The following TRIO variants were observed in gnomAD, a reference collection of about 807,000 sequenced individuals.
TRIO encodes the protein trio Rho guanine nucleotide exchange factor, also known as triple functional domain protein.
In TRIO, 58 loss-of-function variants were observed where a neutral mutation model predicts 351.9. The observed-to-expected ratio is 0.16, with a 90% CI of 0.13 to 0.21. The LOEUF is 0.21. Among genes scored for constraint, TRIO ranks in the 10% least tolerant of loss-of-function variants. TRIO has a pLI of 1.00. For missense variants in TRIO, 3,201 were observed against 4,027.8 expected, an observed-to-expected ratio of 0.79 and a Z score of 5.56; for synonymous variants, 1,758 against 1,595.7, an observed-to-expected ratio of 1.10 and a Z score of -2.42.
intron 11 of TRIO, among the ~76,000 whole-genome samples, chr5:14,345,496 C>G (rs900557484): frequency 1.3e-5 from 2 of 152,190 alleles, no homozygotes; most frequent in African/African-American, 4.8e-5. Context: ...TGAGGCACTT[C>G]AACACAAGGT....
At chr5:14,492,389 A>G (rs1048608028) in intron 48 of TRIO, 178 bp from the exon 49 acceptor site, 3 of 758,046 alleles carry the variant, frequency 4.0e-6, no homozygotes, top group Non-Finnish European at 4.1e-6. Flanking sequence ...CAGTTATTGA[A>G]ATAGATGCAC....
intron 1 of TRIO, among the ~76,000 whole-genome samples, chr5:14,153,502 T>C (rs1399956876): frequency 6.6e-6 from 1 of 152,220 alleles, no homozygotes; most frequent in Non-Finnish European, 1.5e-5. Flanking sequence ...CACTGTTATC[T>C]CTGTATTGCC....
At chr5:14,496,246 G>GT (rs1421409460) in intron 49 of TRIO, among the ~76,000 whole-genome samples, 1 of 152,172 alleles carries the variant, frequency 6.6e-6, no homozygotes, top group Non-Finnish European at 1.5e-5. Flanking sequence ...TCACTTTGTT[G>GT]TGGTAGTCTG....
chr5:14,430,058 C>G (rs1322445473), intron 34 of TRIO, among the ~76,000 whole-genome samples: 1 of 152,068 alleles, frequency 6.6e-6, no homozygotes, highest in African/African-American at 2.4e-5. Flanking sequence ...GATACCCTCA[C>G]ATGTGTATCA....
At chr5:14,178,802 G>C (rs1378671368) in intron 1 of TRIO, among the ~76,000 whole-genome samples, 1 of 152,140 alleles carries the variant, frequency 6.6e-6, no homozygotes, top group Non-Finnish European at 1.5e-5. Context: ...CAAGGAGAGT[G>C]GTCACAGGGG....
chr5:14,483,126 G>A (rs1463306800), intron 46 of TRIO, among the ~76,000 whole-genome samples: 1 of 152,142 alleles, frequency 6.6e-6, no homozygotes, highest in Non-Finnish European at 1.5e-5. Flanking sequence ...AAGTTCACTC[G>A]GTGTCTTCTT....
chr5:14,327,672 TA>T (rs917416888), intron 9 of TRIO, among the ~76,000 whole-genome samples: 8 of 152,022 alleles, frequency 5.3e-5, no homozygotes, highest in African/African-American at 1.9e-4. Context: ...TTATATAATT[TA>T]AAAAAAAGTC....
chr5:14,499,662 T>TAA (rs1178971521), intron 53 of TRIO, among the ~76,000 whole-genome samples: 1 of 151,818 alleles, frequency 6.6e-6, no homozygotes, highest in Non-Finnish European at 1.5e-5. Context: ...CAGTAAACAA[T>TAA]AAAAGGTAAA....
intron 1 of TRIO, among the ~76,000 whole-genome samples, chr5:14,208,309 C>T (rs1327621675): frequency 4.6e-5 from 7 of 152,216 alleles, no homozygotes; most frequent in African/African-American, 7.2e-5. Flanking sequence ...CATATCCAGA[C>T]GGTTAAATAC....
chr5:14,473,827 G>C lies in TRIO; in HGVS notation c.5980-167G>C, dbSNP rs1754853432. On this transcript the variant is annotated intron_variant, in intron 39 of 56. Transcript: ENST00000344204. The stretch of plus-strand genomic sequence containing the variant: ...TGTAATAGGTATATTCCAAGTATCA[G>C]TTAAGGATACTTTTCATATCGGTTT... Among the ~76,000 whole-genome samples the C allele has an allele frequency of 2.6e-5, 4 of 152,200 alleles. No individual in the cohort carries two copies. The South Asian group carries it at 8.3e-4, about 31-fold the overall frequency.
In TRIO at chr5:14,510,039, A is replaced by G. The variant is rs767452845; in HGVS notation, c.*1617A>G. ...ACTGGATGTGTATTCGTAACCTCAT[A>G]ATTTTTATTTGTGTATTGTTTCTTT... On this transcript the variant is annotated 3_prime_UTR_variant, in exon 57 of 57. Coordinates refer to ENST00000344204, the MANE Select transcript of TRIO (RefSeq NM_007118.4). The G allele has an allele frequency of 6.6e-6, 1 of 152,124 alleles. No individual in the cohort carries two copies. The highest frequency in any genetic ancestry group is 1.5e-5 in the Non-Finnish European group (1 of 68,040). The allele number at this position is 152,124 out of a possible 1,614,324, so 9.4% of individuals were successfully genotyped here.
At chr5:14,400,253 CT>C (rs1383581133) in intron 30 of TRIO, among the ~76,000 whole-genome samples, 4 of 152,224 alleles carry the variant, frequency 2.6e-5, no homozygotes, top group Non-Finnish European at 5.9e-5. Flanking sequence ...CCAAGCTCAT[CT>C]GTTTTAGCAG....
At chr5:14,442,428 G>T (rs1327729883) in intron 34 of TRIO, among the ~76,000 whole-genome samples, 1 of 152,144 alleles carries the variant, frequency 6.6e-6, no homozygotes, top group African/African-American at 2.4e-5. Flanking sequence ...ATATGTATTG[G>T]GCATCTGAAG....
chr5:14,340,410 A>AG (rs1193264819), intron 11 of TRIO, among the ~76,000 whole-genome samples: 5 of 151,792 alleles, frequency 3.3e-5, no homozygotes, highest in Non-Finnish European at 7.4e-5. Flanking sequence ...AAAAAAAAAA[A>AG]AAAAGAAAAA....
At chr5:14,363,196 T>C (rs924896086) in intron 13 of TRIO, among the ~76,000 whole-genome samples, 1 of 152,042 alleles carries the variant, frequency 6.6e-6, no homozygotes, top group Non-Finnish European at 1.5e-5. Flanking sequence ...GATGGGGTTT[T>C]GCCATGTTGA....
At chr5:14,431,116 G>A (rs1268230324) in intron 34 of TRIO, among the ~76,000 whole-genome samples, 3 of 152,218 alleles carry the variant, frequency 2.0e-5, no homozygotes, top group Non-Finnish European at 4.4e-5. Flanking sequence ...CATGGGGGTA[G>A]GAGGCTACCC....
intron 33 of TRIO, among the ~76,000 whole-genome samples, chr5:14,415,071 C>T (rs1418181460): frequency 6.6e-6 from 1 of 152,176 alleles, no homozygotes; most frequent in Non-Finnish European, 1.5e-5. Flanking sequence ...CCGCAAGACC[C>T]TTTTGTGAGG....
At chr5:14,399,741 C>T (rs957204088) in intron 30 of TRIO, among the ~76,000 whole-genome samples, 2 of 152,194 alleles carry the variant, frequency 1.3e-5, no homozygotes, top group African/African-American at 4.8e-5. Context: ...CCAGCCTCCC[C>T]AAGGGCAGCA....
intron 8 of TRIO, among the ~76,000 whole-genome samples, chr5:14,311,960 T>G (rs1738968533): frequency 6.6e-6 from 1 of 152,260 alleles, no homozygotes; most frequent in Non-Finnish European, 1.5e-5. Context: ...CGTTTGGACC[T>G]AATTGATATG....
Sources: gnomAD v4.1 joint callset for allele counts (sites outside exome capture counted in the v4.1 genomes callset) on GRCh38, gnomAD v4.1.1 for gene constraint, MANE v1.5 for transcripts, NCBI Gene and HGNC (gene_info 2026-07-23, HGNC 2026-07-21) for gene names.